PLEKHA7: variants seen among roughly 807,000 people sequenced by gnomAD.
PLEKHA7 encodes pleckstrin homology domain-containing family A member 7.
A neutral mutation model predicts 170.0 loss-of-function variants in PLEKHA7; 104 were observed. The observed-to-expected ratio is 0.61, with a 90% CI of 0.52 to 0.72. PLEKHA7 has a LOEUF of 0.72. Ranked by LOEUF, PLEKHA7 falls within the 30% of genes least tolerant of loss-of-function variation. The pLI, the probability that PLEKHA7 is intolerant of heterozygous loss-of-function variation, is 0.00. For missense variants in PLEKHA7, 1,615 were observed against 1,671.7 expected (o/e 0.97, Z 0.59); for synonymous variants, 648 against 660.8 (o/e 0.98, Z 0.30).
At chr11:16,985,970 G>A (rs901336992) in intron 3 of PLEKHA7, among the ~76,000 whole-genome samples, 10 of 152,200 alleles carry the variant, frequency 6.6e-5, no homozygotes, top group Non-Finnish European at 1.5e-4. Flanking sequence ...CCTTGATGGC[G>A]GGTGGCCACA....
chr11:16,955,161 G>A lies in PLEKHA7; in HGVS notation c.221+58828C>T, dbSNP rs553735058. ...CCTAGAGAATACAAAGAAGAAAACTGAAACCCCCAATGAACCCTGATGCTT... is the reference window on the plus strand; with the variant it reads ...CCTAGAGAATACAAAGAAGAAAACTAAAACCCCCAATGAACCCTGATGCTT... On this transcript the variant is annotated intron_variant, in intron 3 of 26. Coordinates refer to ENST00000531066, the MANE Select transcript of PLEKHA7 (RefSeq NM_001329630.2). Among the ~76,000 whole-genome samples, 27 of 152,328 alleles carry A rather than the reference G, an allele frequency of 1.8e-4. 1 individual carries two copies. In the South Asian group the frequency reaches 5.4e-3, roughly 30 times the overall value.
chr11:16,804,662 A>C (rs1169928728), intron 13 of PLEKHA7, among the ~76,000 whole-genome samples: 1 of 152,244 alleles, frequency 6.6e-6, no homozygotes. Flanking sequence ...AGCCCTGAAC[A>C]GAAGACCTGG....
intron 9 of PLEKHA7, among the ~76,000 whole-genome samples, chr11:16,837,721 G>C (rs1851627129): frequency 6.6e-6 from 1 of 152,178 alleles, no homozygotes; most frequent in Non-Finnish European, 1.5e-5. Flanking sequence ...TCTGCTTAGG[G>C]AAGATGACCC....
chr11:17,014,205 C>G lies in PLEKHA7; in HGVS notation c.87-4G>C. 1 of 1,572,354 alleles carries G rather than the reference C, an allele frequency of 6.4e-7. No homozygotes were observed. Among genetic ancestry groups the G allele is most frequent in the Non-Finnish European group, 8.6e-7 (1 of 1,162,956 alleles). On this transcript the variant is annotated splice_polypyrimidine_tract_variant and splice_region_variant and intron_variant, in intron 1 of 26. Coordinates refer to ENST00000531066, the MANE Select transcript of PLEKHA7 (RefSeq NM_001329630.2). Reference sequence around the variant, plus strand: ...GGTCGTGCAGCGGAGCTGGTCACTGCGGGCAGAGAGGTGCACCTGTTAGCG... The same window carrying G: ...GGTCGTGCAGCGGAGCTGGTCACTGGGGGCAGAGAGGTGCACCTGTTAGCG...
chr11:16,895,508 T>C (rs1856942739), intron 3 of PLEKHA7, among the ~76,000 whole-genome samples: 1 of 152,198 alleles, frequency 6.6e-6, no homozygotes, highest in African/African-American at 2.4e-5. Context: ...AGTGTCAAAC[T>C]GTGTCAGCAG....
chr11:16,799,911 T>C (rs1165146125), intron 17 of PLEKHA7, among the ~76,000 whole-genome samples: 2 of 152,126 alleles, frequency 1.3e-5, no homozygotes, highest in African/African-American at 4.8e-5. Flanking sequence ...TCTGCATGAA[T>C]AGAGGGACAG....
chr11:16,824,896 C>T (rs535423279), intron 10 of PLEKHA7, among the ~76,000 whole-genome samples: 14 of 152,300 alleles, frequency 9.2e-5, no homozygotes, highest in African/African-American at 3.1e-4. Context: ...CTACTTAGGC[C>T]GGCACCAAGA....
rs768204017 is a variant in PLEKHA7, at chr11:16,841,558, C to T, written c.861G>A (p.Ser287=). Reference sequence around the variant, plus strand: ...CCATCAGAACTAACCTCTTCAGTGACGATCGAGACAGCACCTGTGCAGCCT... The same window carrying T: ...CCATCAGAACTAACCTCTTCAGTGATGATCGAGACAGCACCTGTGCAGCCT... ...MNQAAQVLSR[S]SLKRDMEKVE... Residue 287 remains serine (S), a synonymous_variant, in exon 9 of 27, where the codon TCG becomes TCA. Transcript: ENST00000531066. 20 of 1,613,138 alleles carry T rather than the reference C, an allele frequency of 1.2e-5. No individual in the cohort carries two copies. The highest frequency in any genetic ancestry group is 6.7e-5 in the Admixed American group (4 of 59,986).
At chr11:16,884,574 G>T (rs1855937460) in intron 3 of PLEKHA7, among the ~76,000 whole-genome samples, 4 of 152,272 alleles carry the variant, frequency 2.6e-5, no homozygotes, top group Middle Eastern at 3.4e-3. Flanking sequence ...GGCGGAGGTT[G>T]CAGTGAGCCG....
chr11:16,833,775 G>T (rs528263215), intron 9 of PLEKHA7, among the ~76,000 whole-genome samples: 1 of 152,260 alleles, frequency 6.6e-6, no homozygotes, highest in South Asian at 2.1e-4. Flanking sequence ...TCTGGCAGCG[G>T]CAGCCATCAC....
At chr11:16,814,530 A>G (rs1396277215) in intron 12 of PLEKHA7, among the ~76,000 whole-genome samples, 1 of 152,108 alleles carries the variant, frequency 6.6e-6, no homozygotes, top group Non-Finnish European at 1.5e-5. Flanking sequence ...GCAGCCCCCT[A>G]GCCAGTCCTT....
intron 3 of PLEKHA7, among the ~76,000 whole-genome samples, chr11:16,931,603 A>AC (rs1309659448): frequency 2.0e-5 from 3 of 151,858 alleles, no homozygotes; most frequent in African/African-American, 7.3e-5. Context: ...AACAAAACAA[A>AC]ACAAAAAAAA....
At chr11:16,888,940 T>A in intron 3 of PLEKHA7, among the ~76,000 whole-genome samples, 2 of 106,744 alleles carry the variant, frequency 1.9e-5, no homozygotes, top group Non-Finnish European at 4.2e-5. Flanking sequence ...CTACTAAAAA[T>A]TAAAAAAAAA....
At chr11:16,990,150 T>C (rs1027688156) in intron 3 of PLEKHA7, among the ~76,000 whole-genome samples, 43 of 151,692 alleles carry the variant, frequency 2.8e-4, no homozygotes, top group African/African-American at 1.0e-3. Context: ...TGGGGCTTCA[T>C]TTAAAACATT....
chr11:16,852,532 G>GA (rs1337327265), intron 6 of PLEKHA7, among the ~76,000 whole-genome samples, 177 bp from the exon 7 acceptor site: 1 of 152,170 alleles, frequency 6.6e-6, no homozygotes, highest in Non-Finnish European at 1.5e-5. Context: ...TGGATTAAAT[G>GA]ATGGTTTATC....
chr11:16,847,454 T>C (rs1209933988), intron 8 of PLEKHA7, among the ~76,000 whole-genome samples: 2 of 152,124 alleles, frequency 1.3e-5, no homozygotes, highest in Non-Finnish European at 2.9e-5. Context: ...CTTAGGCAAC[T>C]GTATATGACT....
At chr11:16,869,959 A>G (rs1476094059) in intron 4 of PLEKHA7, among the ~76,000 whole-genome samples, 1 of 152,196 alleles carries the variant, frequency 6.6e-6, no homozygotes, top group Admixed American at 6.5e-5. Context: ...AAACACAAAT[A>G]TTTTCTTCAA....
At position 16,854,984 on chromosome 11, in the gene PLEKHA7, A is replaced by C. The variant is rs1853310874; in HGVS notation, c.427T>G (p.Ser143Ala). 1.2e-6 allele frequency: 2 copies of C among 1,613,856 alleles called. No homozygotes were observed. The highest frequency in any genetic ancestry group is 8.5e-7 in the Non-Finnish European group (1 of 1,179,802). The change falls in exon 6 of 27, where the codon TCC becomes GCC. Residue 143 changes from serine to alanine, a missense_variant. Physicochemically the swap from Ser to Ala is moderately conservative, Grantham distance 99. Coordinates refer to ENST00000531066, the MANE Select transcript of PLEKHA7 (RefSeq NM_001329630.2). ...EAKPGPKIIK[S>A]SSKVHSFGKR... ...CCAAAGCTGTGGACTTTACTGCTGG[A>C]CTTTATGATCTATGAAAAAGCAGAC...
chr11:16,977,593 T>C (rs1438021980), intron 3 of PLEKHA7, among the ~76,000 whole-genome samples: 1 of 152,180 alleles, frequency 6.6e-6, no homozygotes, highest in Non-Finnish European at 1.5e-5. Flanking sequence ...CCCAGCACCA[T>C]GCTGTTTACA....
Sources: allele counts gnomAD v4.1 joint callset (sites outside exome capture counted in the v4.1 genomes callset), GRCh38; gene constraint gnomAD v4.1.1; transcripts MANE v1.5; gene names NCBI Gene and HGNC (gene_info 2026-07-23, HGNC 2026-07-21).